CFAP299: variants seen among roughly 807,000 people sequenced by gnomAD.
The protein encoded by CFAP299 is cilia- and flagella-associated protein 299.
Under a neutral mutation model 27.0 loss-of-function variants are expected in CFAP299, and 21 were observed. That is an observed-to-expected ratio of 0.78 (90% confidence interval 0.55 to 1.12). The LOEUF is 1.12. Ranked by LOEUF, CFAP299 falls within the 50% of genes most tolerant of loss-of-function variation. The pLI is 0.00. For synonymous variants in CFAP299, 104 were observed against 98.1 expected (o/e 1.06, Z -0.36); for missense variants, 310 against 276.6 (o/e 1.12, Z -0.86).
At position 80,820,518 on chromosome 4, in the gene CFAP299, G is replaced by C. The variant is rs1358557848; in HGVS notation, c.334-49475G>C. On this transcript the variant is annotated intron_variant, in intron 3 of 5. Coordinates refer to ENST00000358105, the MANE Select transcript of CFAP299 (RefSeq NM_152770.3). ...TTTAAGGAACAGCAAGAAGGCCAGT[G>C]TTGCTGGAGCGTAGTGGGGCAGGGG... Among the ~76,000 whole-genome samples, 3 of 151,882 alleles carry C rather than the reference G, an allele frequency of 2.0e-5. No individual in the cohort carries two copies. In the East Asian group the frequency reaches 5.8e-4, roughly 29 times the overall value.
chr4:80,386,987 G>GC, intron 2 of CFAP299: 2 of 1,059,534 alleles, frequency 1.9e-6, no homozygotes, highest in Admixed American at 1.7e-5. Context: ...CCTTGAACCT[G>GC]CCCCCACTGC....
At chr4:80,665,416 G>A (rs529211023) in intron 3 of CFAP299, among the ~76,000 whole-genome samples, 70 of 152,100 alleles carry the variant, frequency 4.6e-4, no homozygotes, top group African/African-American at 1.7e-3. Flanking sequence ...TGTTAGGACA[G>A]TACTAAAACT....
At chr4:80,848,525 T>C (rs573275069) in intron 3 of CFAP299, among the ~76,000 whole-genome samples, 3 of 152,254 alleles carry the variant, frequency 2.0e-5, no homozygotes, top group African/African-American at 7.2e-5. Flanking sequence ...TATAGTATAT[T>C]GGGCAACTGT....
At position 80,663,370 on chromosome 4, in the gene CFAP299, G is replaced by A. The variant is rs138833617; in HGVS notation, c.333+80187G>A. 2.4e-3 allele frequency among the ~76,000 whole-genome samples: 368 copies of A among 152,146 alleles called. 1 individual carries two copies. The highest frequency in any genetic ancestry group is 8.4e-3 in the African/African-American group (349 of 41,490). ...CTCATTGTTCAACCCCCACTTATGA[G>A]TGAGAACATGTGGTGTTTGGTTTCC... On this transcript the variant is annotated intron_variant, in intron 3 of 5. Coordinates refer to ENST00000358105, the MANE Select transcript of CFAP299 (RefSeq NM_152770.3).
intron 2 of CFAP299, among the ~76,000 whole-genome samples, chr4:80,563,088 C>T (rs1735119259): frequency 6.6e-6 from 1 of 151,962 alleles, no homozygotes; most frequent in African/African-American, 2.4e-5. Flanking sequence ...GGTCCCAATA[C>T]AATAATAGCT....
At chr4:80,885,821 G>A (rs1733943469) in intron 4 of CFAP299, among the ~76,000 whole-genome samples, 1 of 152,150 alleles carries the variant, frequency 6.6e-6, no homozygotes, top group African/African-American at 2.4e-5. Context: ...GACTCCTTCA[G>A]AGGGAAAACT....
intron 4 of CFAP299, among the ~76,000 whole-genome samples, chr4:80,894,688 C>A (rs1734524097): frequency 6.6e-6 from 1 of 151,838 alleles, no homozygotes; most frequent in South Asian, 2.1e-4. Flanking sequence ...TCGACTTCTG[C>A]ATATATATTT....
chr4:80,534,568 A>T lies in CFAP299; in HGVS notation c.243-48525A>T, dbSNP rs188086827. Among the ~76,000 whole-genome samples, 18 of 152,164 alleles carry T rather than the reference A, an allele frequency of 1.2e-4. No homozygotes were observed. The East Asian group carries it at 3.3e-3, about 28-fold the overall frequency. On this transcript the variant is annotated intron_variant, in intron 2 of 5. Coordinates refer to ENST00000358105, the MANE Select transcript of CFAP299 (RefSeq NM_152770.3). ...TACTTTTGTTTCATTTATGTACAGAAATGAGAAAACTTAGTGTAGCAGTCA... is the reference window on the plus strand; with the variant it reads ...TACTTTTGTTTCATTTATGTACAGATATGAGAAAACTTAGTGTAGCAGTCA...
intron 3 of CFAP299, among the ~76,000 whole-genome samples, chr4:80,598,808 C>T (rs1737184200): frequency 6.6e-6 from 1 of 152,196 alleles, no homozygotes; most frequent in Admixed American, 6.5e-5. Context: ...ACCTAACATA[C>T]TGTTTCCTCA....
intron 2 of CFAP299, among the ~76,000 whole-genome samples, chr4:80,455,092 G>T (rs1046749443): frequency 6.6e-6 from 1 of 152,116 alleles, no homozygotes; most frequent in Non-Finnish European, 1.5e-5. Flanking sequence ...AGATAGCAAG[G>T]TTTCAAATCT....
intron 4 of CFAP299, among the ~76,000 whole-genome samples, chr4:80,878,889 T>C (rs1393266291): frequency 1.3e-5 from 2 of 152,164 alleles, no homozygotes; most frequent in African/African-American, 2.4e-5. Flanking sequence ...TTATCAGAGA[T>C]AGTTTGTCAG....
chr4:80,494,215 A>C (rs1441166226), intron 2 of CFAP299, among the ~76,000 whole-genome samples: 1 of 152,098 alleles, frequency 6.6e-6, no homozygotes. Context: ...CATATCTCAC[A>C]TTTAACATAT....
At chr4:80,732,450 A>G (rs1723591873) in intron 3 of CFAP299, among the ~76,000 whole-genome samples, 2 of 152,206 alleles carry the variant, frequency 1.3e-5, no homozygotes, top group Non-Finnish European at 2.9e-5. Flanking sequence ...TAGAAAATGT[A>G]TCTGAGTTTC....
At chr4:80,469,428 T>C (rs1399130524) in intron 2 of CFAP299, among the ~76,000 whole-genome samples, 2 of 152,180 alleles carry the variant, frequency 1.3e-5, no homozygotes, top group Admixed American at 6.5e-5. Flanking sequence ...CATATTTGTC[T>C]TAAGTTTTCT....
At chr4:80,361,965 G>A (rs1433849074) in intron 1 of CFAP299, among the ~76,000 whole-genome samples, 1 of 151,886 alleles carries the variant, frequency 6.6e-6, no homozygotes, top group Non-Finnish European at 1.5e-5. Context: ...TACTGTTGTT[G>A]AATACTTTAA....
intron 3 of CFAP299, among the ~76,000 whole-genome samples, chr4:80,869,499 T>G (rs1732947641): frequency 6.6e-6 from 1 of 152,174 alleles, no homozygotes; most frequent in African/African-American, 2.4e-5. Flanking sequence ...ACTGGAATAT[T>G]GCAATATTGT....
intron 3 of CFAP299, among the ~76,000 whole-genome samples, chr4:80,751,918 A>G (rs1007481468): frequency 6.6e-6 from 1 of 152,040 alleles, no homozygotes; most frequent in Non-Finnish European, 1.5e-5. Context: ...GGACGGATGT[A>G]TTTCCTGCCT....
intron 3 of CFAP299, among the ~76,000 whole-genome samples, chr4:80,682,599 A>T (rs371292473): frequency 3.3e-5 from 5 of 151,488 alleles, no homozygotes; most frequent in African/African-American, 1.2e-4. Context: ...TAACAACCTT[A>T]CTCTTACTTC....
chr4:80,934,036 A>G (rs1359483067), intron 4 of CFAP299, among the ~76,000 whole-genome samples: 1 of 151,966 alleles, frequency 6.6e-6, no homozygotes, highest in African/African-American at 2.4e-5. Flanking sequence ...TCGGATTTTC[A>G]CCGTTTAATA....
Sources: allele counts gnomAD v4.1 joint callset (sites outside exome capture counted in the v4.1 genomes callset), GRCh38; gene constraint gnomAD v4.1.1; transcripts MANE v1.5; gene names NCBI Gene and HGNC (gene_info 2026-07-23, HGNC 2026-07-21).